PRKAG2: variants seen among roughly 807,000 people sequenced by gnomAD.
PRKAG2 encodes protein kinase AMP-activated non-catalytic subunit gamma 2, also known as 5'-AMP-activated protein kinase subunit gamma-2.
Under a neutral mutation model 69.6 loss-of-function variants are expected in PRKAG2, and 26 were observed. The observed-to-expected ratio is 0.37, with a 90% CI of 0.27 to 0.52. The LOEUF is 0.52. PRKAG2 is among the 20% of genes least tolerant of loss of function. The pLI, the probability that PRKAG2 is intolerant of heterozygous loss-of-function variation, is 0.90. For missense variants in PRKAG2, 557 were observed against 740.0 expected, an observed-to-expected ratio of 0.75 and a Z score of 2.87; for synonymous variants, 293 against 285.0, an observed-to-expected ratio of 1.03 and a Z score of -0.28.
chr7:151,601,866 A>T (rs1209788598), intron 5 of PRKAG2, among the ~76,000 whole-genome samples: 1 of 152,248 alleles, frequency 6.6e-6, no homozygotes, highest in Non-Finnish European at 1.5e-5. Context: ...GGGGACAGTG[A>T]CTGTCATCAC....
chr7:151,705,521 G>A (rs1277488318), intron 3 of PRKAG2, among the ~76,000 whole-genome samples: 2 of 152,130 alleles, frequency 1.3e-5, no homozygotes, highest in South Asian at 2.1e-4. Context: ...ACAGCCGACT[G>A]TCTGTGACAG....
intron 5 of PRKAG2, among the ~76,000 whole-genome samples, chr7:151,624,152 G>C (rs867082134): frequency 6.8e-6 from 1 of 146,128 alleles, no homozygotes; most frequent in Admixed American, 6.8e-5. Context: ...GTGTGTGTGT[G>C]TGTGTGTGTG....
At chr7:151,566,933 A>G (rs545393000) in intron 11 of PRKAG2, among the ~76,000 whole-genome samples, 3 of 152,348 alleles carry the variant, frequency 2.0e-5, no homozygotes, top group South Asian at 4.1e-4. Context: ...ATATTCTGGT[A>G]GCATGATTCT....
At chr7:151,695,797 G>C (rs967893058) in intron 3 of PRKAG2, among the ~76,000 whole-genome samples, 20 of 152,152 alleles carry the variant, frequency 1.3e-4, no homozygotes, top group African/African-American at 4.8e-4. Flanking sequence ...TGTAAGGCTA[G>C]GCCCTGGCCT....
intron 1 of PRKAG2, among the ~76,000 whole-genome samples, chr7:151,839,030 AAT>A (rs201950516): frequency 0.2 from 28,511 of 143,302 alleles, 3,274 homozygotes; most frequent in Non-Finnish European, 0.28. Context: ...AAAAAAAAAA[AAT>A]AGAAAAGGGG....
At position 151,777,162 on chromosome 7, in the gene PRKAG2, AG is replaced by A; in HGVS notation, c.466+3989del. 6.6e-6 allele frequency among the ~76,000 whole-genome samples: 1 copy of A among 152,258 alleles called. No individual in the cohort carries two copies. The highest frequency in any genetic ancestry group is 2.1e-4 in the South Asian group (1 of 4,830). On this transcript the variant is annotated intron_variant, in intron 3 of 15. Transcript: ENST00000287878. This position sits in a 1 kb window ranked among gnomAD's most constrained non-coding sequence, Gnocchi z 4.3. ...TGTGCAGACCACAGGCCCCAATGGAAGGGGCCATGGCCAGGTTCAGCATGGG... is the reference window on the plus strand; with the variant it reads ...TGTGCAGACCACAGGCCCCAATGGAAGGGCCATGGCCAGGTTCAGCATGGG...
Position 151,632,247 on chromosome 7 carries a change from GA to G in PRKAG2, c.685-110del. On this transcript the variant is annotated intron_variant, in intron 4 of 15. Transcript: ENST00000287878. This position sits in a 1 kb window ranked among gnomAD's most constrained non-coding sequence, Gnocchi z 4.2. ...GGGCCTGGCTCTGCCGCGCCGCCGG[GA>G]GGAGGGGCCTGGCAGGGGACGCGGG... 9.3e-7 allele frequency: 1 copy of G among 1,072,854 alleles called. No individual in the cohort carries two copies. The highest frequency in any genetic ancestry group is 1.7e-5 in the African/African-American group (1 of 58,900). The allele number at this position is 1,072,854 out of a possible 1,614,324, so 66.5% of individuals were successfully genotyped here.
At chr7:151,720,397 G>C (rs1796858797) in intron 3 of PRKAG2, among the ~76,000 whole-genome samples, 1 of 151,842 alleles carries the variant, frequency 6.6e-6, no homozygotes, top group South Asian at 2.1e-4. Flanking sequence ...AGAAAGGGTG[G>C]AGGCTGCTAG....
In PRKAG2 at chr7:151,814,513, G is replaced by A. The variant is rs1038205031; in HGVS notation, c.115-27972C>T. 2.3e-5 allele frequency: 28 copies of A among 1,231,032 alleles called. No individual in the cohort carries two copies. Among genetic ancestry groups the A allele is most frequent in the Non-Finnish European group, 2.8e-5 (28 of 987,986 alleles). The allele number at this position is 1,231,032 out of a possible 1,614,324, so 76.3% of individuals were successfully genotyped here. ...TGGCAGGATGCGAGTGACGGGGACGGGCGGCACTCCCAGCTCTGACAAATC... is the reference window on the plus strand; with the variant it reads ...TGGCAGGATGCGAGTGACGGGGACGAGCGGCACTCCCAGCTCTGACAAATC... On this transcript the variant is annotated intron_variant, in intron 1 of 15. Transcript: ENST00000287878. The surrounding 1 kb of genome is among the most constrained non-coding windows in gnomAD (Gnocchi z 4.8).
At chr7:151,595,302 TCCAAAAAATA>T in intron 6 of PRKAG2, 33 bp downstream of exon 6, 2 of 1,354,702 alleles carry the variant, frequency 1.5e-6, no homozygotes, top group Non-Finnish European at 1.0e-6. Flanking sequence ...GTAGTAGCCA[TCCAAAAAATA>T]CCAAAAAATT....
chr7:151,567,726 T>C lies in PRKAG2; in HGVS notation c.1233+990A>G, dbSNP rs1806582205. Among the ~76,000 whole-genome samples, 1 of 152,210 alleles carries C rather than the reference T, an allele frequency of 6.6e-6. No homozygotes were observed. The highest frequency in any genetic ancestry group is 2.4e-5 in the African/African-American group (1 of 41,456). ...GCACAGCATGGTTAAATAAATGTTA[T>C]TTATATATGTAAATGATTAAAATAC... On this transcript the variant is annotated intron_variant, in intron 11 of 15. Transcript: ENST00000287878. The surrounding 1 kb of genome is among the most constrained non-coding windows in gnomAD (Gnocchi z 4.2).
At chr7:151,621,683 C>A (rs1418040648) in intron 5 of PRKAG2, among the ~76,000 whole-genome samples, 1 of 152,122 alleles carries the variant, frequency 6.6e-6, no homozygotes, top group Non-Finnish European at 1.5e-5. Flanking sequence ...AGCAATCCTC[C>A]TATCTCAGCC....
Position 151,639,673 on chromosome 7 carries a change from G to A in PRKAG2, c.685-7535C>T, listed in dbSNP as rs146308709. Among the ~76,000 whole-genome samples the A allele has an allele frequency of 2.1e-3, 323 of 152,344 alleles. 1 individual carries two copies. Among genetic ancestry groups the A allele is most frequent in the African/African-American group, 7.4e-3 (308 of 41,582 alleles). On this transcript the variant is annotated intron_variant, in intron 4 of 15. Transcript: ENST00000287878. ...CCTGCCTTGACACTGGGACTTAACA[G>A]CAGCAGCCCTCTGGTTTTCAGGCCT...
chr7:151,671,833 A>G (rs1385519999), intron 4 of PRKAG2, among the ~76,000 whole-genome samples: 2 of 152,196 alleles, frequency 1.3e-5, no homozygotes, highest in Non-Finnish European at 2.9e-5. Flanking sequence ...GGGCTTGCTT[A>G]CCATCAGGTA....
intron 4 of PRKAG2, 191 bp downstream of exon 4, chr7:151,675,229 T>C: frequency 1.5e-6 from 1 of 689,572 alleles, no homozygotes. Flanking sequence ...CTATTTTTTG[T>C]GTATTTCCAT....
intron 1 of PRKAG2, among the ~76,000 whole-genome samples, chr7:151,866,354 T>C (rs559237270): frequency 6.6e-6 from 1 of 152,348 alleles, no homozygotes; most frequent in South Asian, 2.1e-4. Flanking sequence ...TGGGCTAGAA[T>C]GGTTGTGAAC....
At chr7:151,734,210 C>A (rs567211095) in intron 3 of PRKAG2, 1 of 152,196 alleles carries the variant, frequency 6.6e-6, no homozygotes. Flanking sequence ...CTGCCCAAAG[C>A]GGATATAGCA....
At chr7:151,585,624 A>T (rs1350337323) in intron 6 of PRKAG2, among the ~76,000 whole-genome samples, 1 of 152,138 alleles carries the variant, frequency 6.6e-6, no homozygotes, top group Non-Finnish European at 1.5e-5. Flanking sequence ...CCTATGTATA[A>T]ATTTTGCCTA....
chr7:151,629,154 A>G (rs565461121), intron 5 of PRKAG2, among the ~76,000 whole-genome samples: 1 of 152,314 alleles, frequency 6.6e-6, no homozygotes, highest in East Asian at 1.9e-4. Context: ...TTCTTGCTAC[A>G]AGGGCAAATT....
Sources: allele counts gnomAD v4.1 joint callset (sites outside exome capture counted in the v4.1 genomes callset), GRCh38; gene constraint gnomAD v4.1.1; non-coding constraint Gnocchi (gnomAD v3.1); transcripts MANE v1.5; gene names NCBI Gene and HGNC (gene_info 2026-07-23, HGNC 2026-07-21).